The following YWHAB variants were observed in gnomAD, a reference collection of about 807,000 sequenced individuals.
YWHAB encodes 14-3-3 protein beta/alpha.
YWHAB carries 2 observed loss-of-function variants against 28.5 expected under a neutral mutation model. The observed-to-expected ratio is 0.07, with a 90% confidence interval of 0.03 to 0.22. The LOEUF (loss-of-function observed/expected upper bound fraction) is 0.22, where lower values mean the gene tolerates loss of function less well. YWHAB is among the 10% of genes least tolerant of loss of function. The probability of loss-of-function intolerance (pLI) is 1.00; values close to 1 mark genes in which losing one functional copy is unlikely to be tolerated. For synonymous variants in YWHAB, 103 were observed against 104.7 expected, an observed-to-expected ratio of 0.98 and a Z score of 0.10; for missense variants, 148 against 297.1, an observed-to-expected ratio of 0.50 and a Z score of 3.69.
At chr20:44,890,500 CTTTTTTTTT>C (rs35619333) in intron 1 of YWHAB, among the ~76,000 whole-genome samples, 2,156 of 86,362 alleles carry the variant, frequency 0.025, 32 homozygotes, top group Non-Finnish European at 0.035. Context: ...TGGATTCCTA[CTTTTTTTTT>C]TTTTTTTTTT....
chr20:44,900,606 ACAT>A (rs1195166904), intron 1 of YWHAB, among the ~76,000 whole-genome samples: 1 of 152,210 alleles, frequency 6.6e-6, no homozygotes, highest in Admixed American at 6.5e-5. Flanking sequence ...GTTGAAACAA[ACAT>A]CATACTTACT....
intron 5 of YWHAB, 39 bp from the exon 6 acceptor site, chr20:44,906,343 T>C (rs1297401155): frequency 6.2e-7 from 1 of 1,609,214 alleles, no homozygotes; most frequent in Admixed American, 1.7e-5. Context: ...AGGGAACTTT[T>C]AGTAGCCCTG....
At chr20:44,906,256 A>G in intron 5 of YWHAB, 126 bp from the exon 6 acceptor site, 1 of 1,185,132 alleles carries the variant, frequency 8.4e-7, no homozygotes, top group Non-Finnish European at 1.2e-6. Flanking sequence ...CTTTGCAATC[A>G]TCCCTGTCTG....
chr20:44,900,133 G>T lies in YWHAB; in HGVS notation c.-3-1398G>T, dbSNP rs117049900. Among the ~76,000 whole-genome samples, 358 of 151,912 alleles carry T rather than the reference G, an allele frequency of 2.4e-3. 1 individual carries two copies. The highest frequency in any genetic ancestry group is 4.2e-3 in the Non-Finnish European group (286 of 67,938). ...GCACAGTCACGGCTCACTGCATCCT[G>T]GAACTCTGGGCTCAAGTGATCCTCC... is the stretch of plus-strand genomic sequence containing the variant. On this transcript the variant is annotated intron_variant, in intron 1 of 5. Coordinates refer to ENST00000353703, the MANE Select transcript of YWHAB (RefSeq NM_139323.4).
chr20:44,888,211 A>G (rs1276860712), intron 1 of YWHAB, among the ~76,000 whole-genome samples: 1 of 152,256 alleles, frequency 6.6e-6, no homozygotes, highest in Admixed American at 6.5e-5. Context: ...CATATATGCT[A>G]TTCATGGACA....
rs2066657359 is a variant in YWHAB, at chr20:44,906,508, A to T, written c.*70A>T. On this transcript the variant is annotated 3_prime_UTR_variant, in exon 6 of 6. Coordinates refer to ENST00000353703, the MANE Select transcript of YWHAB (RefSeq NM_139323.4). ...CAACATATATCCCTTGTGCGATAAA[A>T]AAAAAAAAAAAAAAAAAAAGAGAAT... 9 of 822,830 alleles carry T rather than the reference A, an allele frequency of 1.1e-5. No individual in the cohort carries two copies. Among genetic ancestry groups the T allele is most frequent in the South Asian group, 2.6e-5 (1 of 38,916 alleles). 51.0% of individuals were successfully genotyped at this position (822,830 alleles called of 1,614,324 possible).
intron 1 of YWHAB, among the ~76,000 whole-genome samples, chr20:44,893,940 G>A (rs894224506): frequency 6.6e-6 from 1 of 152,058 alleles, no homozygotes; most frequent in African/African-American, 2.4e-5. Context: ...CAGGTGATCT[G>A]CCTGCCTTGG....
intron 3 of YWHAB, 128 bp downstream of exon 3, chr20:44,904,244 C>A: frequency 2.4e-6 from 3 of 1,236,722 alleles, no homozygotes; most frequent in Non-Finnish European, 2.2e-6. Flanking sequence ...TTTAAAAGAC[C>A]ACAGCATTGT....
intron 1 of YWHAB, among the ~76,000 whole-genome samples, chr20:44,896,077 A>G (rs546545276): frequency 6.6e-6 from 1 of 152,362 alleles, no homozygotes; most frequent in African/African-American, 2.4e-5. Context: ...GTGGTAAGAC[A>G]TTGACAGGTA....
At chr20:44,901,430 A>G in intron 1 of YWHAB, 101 bp from the exon 2 acceptor site, 1 of 1,199,278 alleles carries the variant, frequency 8.3e-7, no homozygotes, top group Non-Finnish European at 1.2e-6. Context: ...TTTCACATTT[A>G]GTATGCTGCT....
At chr20:44,895,099 G>A (rs2066588266) in intron 1 of YWHAB, among the ~76,000 whole-genome samples, 1 of 152,230 alleles carries the variant, frequency 6.6e-6, no homozygotes, top group African/African-American at 2.4e-5. Flanking sequence ...TAGGCTATAA[G>A]TATATTCAGA....
chr20:44,907,737 T>C lies in YWHAB; in HGVS notation c.*1299T>C, dbSNP rs2066666970. 1 of 152,240 alleles carries C rather than the reference T, an allele frequency of 6.6e-6. No homozygotes were observed. Among genetic ancestry groups the C allele is most frequent in the Non-Finnish European group, 1.5e-5 (1 of 68,042 alleles). The allele number at this position is 152,240 out of a possible 1,614,324, so 9.4% of individuals were successfully genotyped here. On this transcript the variant is annotated 3_prime_UTR_variant, in exon 6 of 6. Transcript: ENST00000353703. Reference sequence around the variant, plus strand: ...GGGGTGAGAGACATTACTGAGCACCTTGGTGAGCAAGCCTGGCTTTAAAGA... The same window carrying C: ...GGGGTGAGAGACATTACTGAGCACCCTGGTGAGCAAGCCTGGCTTTAAAGA...
At chr20:44,901,465 C>A in intron 1 of YWHAB, 66 bp from the exon 2 acceptor site, 1 of 1,472,470 alleles carries the variant, frequency 6.8e-7, no homozygotes, top group Non-Finnish European at 9.2e-7. Flanking sequence ...GAAGAAGATT[C>A]ACACACGTTT....
intron 1 of YWHAB, chr20:44,886,151 G>T (rs553893237): frequency 1.6e-4 from 25 of 152,442 alleles, no homozygotes; most frequent in African/African-American, 5.8e-4. Flanking sequence ...GTACTGTGCC[G>T]TAAGGGACAG....
At position 44,899,647 on chromosome 20, in the gene YWHAB, G is replaced by C. The variant is rs983917503; in HGVS notation, c.-3-1884G>C. On this transcript the variant is annotated intron_variant, in intron 1 of 5. Transcript: ENST00000353703. ...ACATAAAATTAACTCTTCTTGTTTA[G>C]TAAATAACTTTTCAATTATTTTATC... Among the ~76,000 whole-genome samples, 4 of 152,172 alleles carry C rather than the reference G, an allele frequency of 2.6e-5. No individual in the cohort carries two copies. The East Asian group carries it at 7.7e-4, about 29-fold the overall frequency.
chr20:44,905,308 T>C, intron 4 of YWHAB, 177 bp downstream of exon 4: 1 of 530,958 alleles, frequency 1.9e-6, no homozygotes, highest in South Asian at 4.2e-5. Flanking sequence ...TCATTCTCAA[T>C]ACCTTCTGCT....
Position 44,907,565 on chromosome 20 carries a change from T to C in YWHAB, c.*1127T>C, listed in dbSNP as rs1213560606. The C allele has an allele frequency of 6.6e-6, 1 of 152,244 alleles. No homozygotes were observed. Among genetic ancestry groups the C allele is most frequent in the Non-Finnish European group, 1.5e-5 (1 of 68,042 alleles). The allele number at this position is 152,244 out of a possible 1,614,324, so 9.4% of individuals were successfully genotyped here. A position where few individuals can be genotyped will look rare whatever the true frequency, so the allele number is the denominator to read the frequency against. On this transcript the variant is annotated 3_prime_UTR_variant, in exon 6 of 6. Coordinates refer to ENST00000353703, the MANE Select transcript of YWHAB (RefSeq NM_139323.4). ...AGCTCGGGGCTTTTAAATTTTGAAA[T>C]CTAAACATTCTTTCCCACCATCCTT... is the stretch of plus-strand genomic sequence containing the variant.
intron 1 of YWHAB, among the ~76,000 whole-genome samples, chr20:44,896,059 G>T (rs1302276037): frequency 2.6e-5 from 4 of 152,198 alleles, no homozygotes; most frequent in African/African-American, 9.7e-5. Flanking sequence ...TTTTAGTACT[G>T]AAGAAACGTG....
chr20:44,896,063 A>G (rs901312207), intron 1 of YWHAB, among the ~76,000 whole-genome samples: 2 of 152,236 alleles, frequency 1.3e-5, no homozygotes, highest in Admixed American at 6.5e-5. Context: ...AGTACTGAAG[A>G]AACGTGGTAA....
Sources: gnomAD v4.1 joint callset for allele counts (sites outside exome capture counted in the v4.1 genomes callset) on GRCh38, gnomAD v4.1.1 for gene constraint, MANE v1.5 for transcripts, NCBI Gene and HGNC (gene_info 2026-07-23, HGNC 2026-07-21) for gene names.